Variants in ABCA4 observed in about 807,000 individuals in gnomAD.
The protein encoded by ABCA4 is ATP binding cassette subfamily A member 4.
In ABCA4, 196 loss-of-function variants were observed where a neutral mutation model predicts 263.7. That is an observed-to-expected ratio of 0.74 (90% CI 0.66 to 0.84). The LOEUF (loss-of-function observed/expected upper bound fraction) is 0.84. Ranked by LOEUF, ABCA4 falls within the 40% of genes least tolerant of loss-of-function variation. The pLI is 0.00. For missense variants in ABCA4, 2,792 were observed against 2,855.1 expected (o/e 0.98, Z 0.50); for synonymous variants, 1,133 against 1,094.2 (o/e 1.04, Z -0.70).
At chr1:94,100,083 C>A (rs142728130) in intron 5 of ABCA4, among the ~76,000 whole-genome samples, 1 of 152,184 alleles carries the variant, frequency 6.6e-6, no homozygotes, top group Non-Finnish European at 1.5e-5. Context: ...CGACGTGGCT[C>A]TCTGGGCTGG....
At chr1:94,083,264 T>G in intron 7 of ABCA4, 88 bp downstream of exon 7, 2 of 1,199,894 alleles carry the variant, frequency 1.7e-6, no homozygotes, top group Non-Finnish European at 2.5e-6. Flanking sequence ...TTGAACAGGT[T>G]TGAAATACAA....
intron 27 of ABCA4, among the ~76,000 whole-genome samples, 181 bp downstream of exon 27, chr1:94,031,594 AAAG>A (rs1375999102): frequency 6.6e-6 from 1 of 152,196 alleles, no homozygotes; most frequent in East Asian, 1.9e-4. Flanking sequence ...TCCAACTTAC[AAAG>A]AAGATTCATG....
At chr1:94,120,887 G>GGCCCCCCCCCCCC in intron 1 of ABCA4, 93 bp downstream of exon 1, 4 of 339,360 alleles carry the variant, frequency 1.2e-5, no homozygotes, top group Non-Finnish European at 1.6e-5. Flanking sequence ...CCCCCACCCT[G>GGCCCCCCCCCCCC]CCCCACCACC....
At chr1:94,101,500 T>C (rs979630301) in intron 5 of ABCA4, among the ~76,000 whole-genome samples, 3 of 152,284 alleles carry the variant, frequency 2.0e-5, no homozygotes, top group Admixed American at 1.3e-4. Flanking sequence ...AAAGCAGGTA[T>C]GAGCTCCTTC....
At chr1:94,020,387 C>T (rs562919087) in intron 35 of ABCA4, among the ~76,000 whole-genome samples, 1 of 152,326 alleles carries the variant, frequency 6.6e-6, no homozygotes, top group East Asian at 1.9e-4. Context: ...CAGTGTCCAC[C>T]TGCAGAAAAG....
Position 94,015,839 on chromosome 1 carries a change from T to A in ABCA4, c.5212A>T (p.Ser1738Cys). 1.2e-6 allele frequency: 2 copies of A among 1,613,632 alleles called. No homozygotes were observed. Among genetic ancestry groups the A allele is most frequent in the Non-Finnish European group, 1.7e-6 (2 of 1,179,840 alleles). The change falls in exon 37 of 50, where the codon AGT becomes TGT. Residue 1738 changes from serine to cysteine, a missense_variant. Coordinates refer to ENST00000370225, the MANE Select transcript of ABCA4 (RefSeq NM_000350.3). ...AAGATGCCCACCACCAGCCCAGCAC[T>A]CACGGAATAATTCATCTCGGAAAGA... ...FLWDIMNYSV[S>C]AGLVVGIFIG...
Position 94,001,110 on chromosome 1 carries a change from G to C in ABCA4, c.6283-5C>G, listed in dbSNP as rs775972084. 18 of 1,612,336 alleles carry C rather than the reference G, an allele frequency of 1.1e-5. No individual in the cohort carries two copies. In the South Asian group the frequency reaches 1.9e-4, roughly 17 times the overall value. On this transcript the variant is annotated splice_region_variant and splice_polypyrimidine_tract_variant and intron_variant, in intron 45 of 49. Transcript: ENST00000370225. ...CATCCCTGTGGTGGGCTCATCCTGG[G>C]GGGTGGAGAGAAGGTTGGGGGCACA...
At chr1:94,098,049 G>C (rs375469791) in intron 6 of ABCA4, among the ~76,000 whole-genome samples, 1 of 152,178 alleles carries the variant, frequency 6.6e-6, no homozygotes, top group Non-Finnish European at 1.5e-5. Flanking sequence ...GAGCCACTGC[G>C]CCCGGCCCTC....
chr1:94,076,621 A>T (rs1213195125), intron 11 of ABCA4, among the ~76,000 whole-genome samples: 2 of 152,196 alleles, frequency 1.3e-5, no homozygotes, highest in Non-Finnish European at 2.9e-5. Context: ...AGGGCTGGGA[A>T]GGTGGGGTAG....
At chr1:94,034,937 G>A (rs989369852) in intron 26 of ABCA4, among the ~76,000 whole-genome samples, 12 of 152,200 alleles carry the variant, frequency 7.9e-5, no homozygotes, top group Middle Eastern at 3.2e-3. Context: ...AATGCTACAG[G>A]TAGATGCTAT....
chr1:94,063,184 A>T lies in ABCA4; in HGVS notation c.1688T>A (p.Leu563Gln), dbSNP rs754652550. 12 of 1,614,010 alleles carry T rather than the reference A, an allele frequency of 7.4e-6. No homozygotes were observed. The East Asian group carries it at 2.7e-4, about 36-fold the overall frequency. Reference sequence around the variant, plus strand: ...GATCTTATACTTCACGTGGGGTGGTAGAGAGCTGGTCCAGGGATACATGTC... The same window carrying T: ...GATCTTATACTTCACGTGGGGTGGTTGAGAGCTGGTCCAGGGATACATGTC... ...FPDMYPWTSS[L>Q]PPHVKYKIRM... is the part of the protein sequence containing the mutation. Residue 563 changes from leucine (L) to glutamine (Q), a missense_variant, in exon 12 of 50, where the codon CTA becomes CAA. Leu to Gln is a moderately radical substitution (Grantham distance 113, BLOSUM62 -2). Transcript: ENST00000370225.
At chr1:94,023,827 G>A (rs138310070) in intron 31 of ABCA4, among the ~76,000 whole-genome samples, 3 of 152,192 alleles carry the variant, frequency 2.0e-5, no homozygotes, top group East Asian at 3.9e-4. Flanking sequence ...GGGGAGTTCC[G>A]ACTCACTCCA....
chr1:94,047,049 A>G lies in ABCA4; in HGVS notation c.2788T>C (p.Cys930Arg). 2 of 1,614,212 alleles carry G rather than the reference A, an allele frequency of 1.2e-6. No individual in the cohort carries two copies. The highest frequency in any genetic ancestry group is 1.7e-6 in the Non-Finnish European group (2 of 1,180,044). ...REHPGWVPGVCVKNLVKIFEP... is the reference protein window; with the variant it reads ...REHPGWVPGVRVKNLVKIFEP... ...AAAATCTTTACCAGATTCTTCACGCATACCCCAGGAACCCACCCTGGATGC... is the reference window on the plus strand; with the variant it reads ...AAAATCTTTACCAGATTCTTCACGCGTACCCCAGGAACCCACCCTGGATGC... The change falls in exon 19 of 50, where the codon TGC becomes CGC. Residue 930 changes from cysteine to arginine, a missense_variant. By Grantham distance (180) the Cys-to-Arg change is radical. Coordinates refer to ENST00000370225, the MANE Select transcript of ABCA4 (RefSeq NM_000350.3).
Position 94,011,419 on chromosome 1 carries a change from G to A in ABCA4, c.5461-34C>T, listed in dbSNP as rs772420273. ...GAGAAGTAGGACTGTTGGAAACGGG[G>A]CAAACCCCACCCCCCCTCTCTTCAG... On this transcript the variant is annotated intron_variant, in intron 38 of 49. Coordinates refer to ENST00000370225, the MANE Select transcript of ABCA4 (RefSeq NM_000350.3). 2.5e-6 allele frequency: 4 copies of A among 1,604,618 alleles called. No individual in the cohort carries two copies. In the South Asian group the frequency reaches 3.3e-5, roughly 13 times the overall value.
In ABCA4 at chr1:94,005,004, T is replaced by C. The variant is rs553403767; in HGVS notation, c.6147+437A>G. ...TTTACTGAGACTTTTCTTCTTCTTT[T>C]TTATAGTTGCGTAAGACTTTATTGT... On this transcript the variant is annotated intron_variant, in intron 44 of 49. Transcript: ENST00000370225. Among the ~76,000 whole-genome samples, 5 of 152,378 alleles carry C rather than the reference T, an allele frequency of 3.3e-5. No individual in the cohort carries two copies. The South Asian group carries it at 1.0e-3, about 32-fold the overall frequency.
rs1350414013 is a variant in ABCA4 at position 94,079,684 on chromosome 1, C to T, written c.1100-223G>A. On this transcript the variant is annotated intron_variant, in intron 8 of 49. Transcript: ENST00000370225. ...GGCCTCATCAGAGAAACAAAGGATG[C>T]GACTTGCCCTGTGGTTTATTCTGCT... is the stretch of plus-strand genomic sequence containing the variant. Among the ~76,000 whole-genome samples, 7 of 152,286 alleles carry T rather than the reference C, an allele frequency of 4.6e-5. No individual in the cohort carries two copies. The East Asian group carries it at 9.6e-4, about 21-fold the overall frequency.
At position 94,121,051 on chromosome 1, in the gene ABCA4, T is replaced by G. The variant is rs115992421; in HGVS notation, c.-6A>C. ...ATCTGTCTCACGAAGCCCATGCTAA[T>G]GACCACACGAAGACCAGATTGGTCA... On this transcript the variant is annotated 5_prime_UTR_variant, in exon 1 of 50. Transcript: ENST00000370225. The G allele has an allele frequency of 1.1e-5, 17 of 1,614,202 alleles. No individual in the cohort carries two copies. Among genetic ancestry groups the G allele is most frequent in the Non-Finnish European group, 1.4e-5 (17 of 1,180,026 alleles).
rs144091792 is a variant in ABCA4, at chr1:94,033,500, G to C, written c.3863-1457C>G. ...AATTTAAATGAGATAACACATGGGA[G>C]CATGCTCTAGAAACCATTGCAAGTT... On this transcript the variant is annotated intron_variant, in intron 26 of 49. Transcript: ENST00000370225. 2.6e-3 allele frequency among the ~76,000 whole-genome samples: 388 copies of C among 152,006 alleles called. 1 individual carries two copies. Among genetic ancestry groups the C allele is most frequent in the African/African-American group, 9.0e-3 (372 of 41,478 alleles).
chr1:94,105,197 T>C (rs1412232323), intron 4 of ABCA4, among the ~76,000 whole-genome samples: 1 of 152,206 alleles, frequency 6.6e-6, no homozygotes, highest in East Asian at 1.9e-4. Flanking sequence ...TCAATAAATG[T>C]CTGTTGAATG....
Sources: gnomAD v4.1 joint callset for allele counts (sites outside exome capture counted in the v4.1 genomes callset) on GRCh38, gnomAD v4.1.1 for gene constraint, MANE v1.5 for transcripts, NCBI Gene and HGNC (gene_info 2026-07-23, HGNC 2026-07-21) for gene names.